Variants in PCNX2 observed in about 807,000 individuals in gnomAD.
PCNX2 encodes pecanex 2.
Under a neutral mutation model 223.8 loss-of-function variants are expected in PCNX2, and 168 were observed. That is an observed-to-expected ratio of 0.75 (90% CI 0.66 to 0.85). The LOEUF is 0.85. Among genes scored for constraint, PCNX2 ranks in the 40% least tolerant of loss-of-function variants. PCNX2 has a pLI of 0.00. For synonymous variants in PCNX2, 1,006 were observed against 1,052.6 expected (o/e 0.96, Z 0.86); for missense variants, 2,507 against 2,675.5 (o/e 0.94, Z 1.39).
At position 233,025,475 on chromosome 1, in the gene PCNX2, C is replaced by A. The variant is rs1671052258; in HGVS notation, c.4352-76G>T. The A allele has an allele frequency of 3.2e-6, 5 of 1,553,810 alleles. No homozygotes were observed. In the East Asian group the frequency reaches 1.1e-4, roughly 35 times the overall value. ...GTTTGCTTCAACGGATTTCCCCATG[C>A]CTTCATCAGAGGGGAAGAGGCTGAA... is the stretch of plus-strand genomic sequence containing the variant. On this transcript the variant is annotated intron_variant, in intron 25 of 33. Coordinates refer to ENST00000258229, the MANE Select transcript of PCNX2 (RefSeq NM_014801.4).
At chr1:233,298,908 A>C (rs1662214377), upstream of PCNX2, among the ~76,000 whole-genome samples, 1 of 152,122 alleles carries the variant, frequency 6.6e-6, no homozygotes, top group African/African-American at 2.4e-5. Flanking sequence ...ACAAACAAAC[A>C]AAAAACTAAG....
At chr1:233,263,911 C>A (rs563750129) in intron 1 of PCNX2, among the ~76,000 whole-genome samples, 12 of 152,092 alleles carry the variant, frequency 7.9e-5, no homozygotes, top group Admixed American at 2.0e-4. Context: ...TTAGGGTAAC[C>A]ACTCCCCCAT....
chr1:233,199,415 C>T (rs897788353), intron 14 of PCNX2, among the ~76,000 whole-genome samples: 2 of 151,536 alleles, frequency 1.3e-5, no homozygotes, highest in Non-Finnish European at 1.5e-5. Context: ...AGAGAGGAGA[C>T]GGGAAAGGGA....
chr1:233,101,523 T>C (rs1273867064), intron 21 of PCNX2, among the ~76,000 whole-genome samples: 1 of 152,194 alleles, frequency 6.6e-6, no homozygotes, highest in Non-Finnish European at 1.5e-5. Context: ...GCCCATTAAA[T>C]AGCATCCATC....
chr1:233,106,899 C>T (rs751029491), intron 21 of PCNX2, among the ~76,000 whole-genome samples: 1 of 152,152 alleles, frequency 6.6e-6, no homozygotes, highest in Non-Finnish European at 1.5e-5. Flanking sequence ...AATAACATTT[C>T]ATCAATCTAG....
intron 22 of PCNX2, among the ~76,000 whole-genome samples, chr1:233,092,261 T>A (rs1673909398): frequency 6.6e-6 from 1 of 152,136 alleles, no homozygotes; most frequent in African/African-American, 2.4e-5. Context: ...CAAAACCAAG[T>A]GGAGCCAGGG....
At chr1:233,032,903 C>T (rs1276852964) in intron 25 of PCNX2, 1 of 835,488 alleles carries the variant, frequency 1.2e-6, no homozygotes, top group South Asian at 5.5e-5. Context: ...GAAAGAGTCA[C>T]ACTCAGGATC....
At chr1:233,293,198 T>C (rs1283368454) in intron 1 of PCNX2, among the ~76,000 whole-genome samples, 2 of 152,182 alleles carry the variant, frequency 1.3e-5, no homozygotes, top group East Asian at 3.8e-4. Context: ...AAAAAACATC[T>C]GCAGGAACAC....
intron 28 of PCNX2, among the ~76,000 whole-genome samples, chr1:233,013,005 T>C (rs1010449317): frequency 6.6e-6 from 1 of 152,200 alleles, no homozygotes; most frequent in African/African-American, 2.4e-5. Flanking sequence ...CAATGTTTTA[T>C]GAAGCCCACA....
chr1:233,122,277 G>A (rs1255932329), intron 21 of PCNX2, among the ~76,000 whole-genome samples: 9 of 152,110 alleles, frequency 5.9e-5, no homozygotes, highest in Non-Finnish European at 4.4e-5. Flanking sequence ...TGATATGAAT[G>A]AATGAATAAA....
At chr1:233,049,670 T>G (rs1671931883) in intron 25 of PCNX2, among the ~76,000 whole-genome samples, 1 of 151,952 alleles carries the variant, frequency 6.6e-6, no homozygotes, top group African/African-American at 2.4e-5. Flanking sequence ...TCAAAATATC[T>G]CTCTTCACTG....
chr1:233,262,066 A>G lies in PCNX2; in HGVS notation c.459T>C (p.Ser153=), dbSNP rs771283820. 2.5e-6 allele frequency: 4 copies of G among 1,613,734 alleles called. No individual in the cohort carries two copies. The change falls in exon 3 of 34, where the codon TCT becomes TCC. Residue 153 remains serine, a synonymous_variant. Transcript: ENST00000258229. The part of the protein sequence containing the change: ...RCSSRGQSIT[S]HHSSGPLELS... ...TAACCAATGGCCCAGAAGAGTGATGAGAGGTTATGCTTTGCCCTCTGGAGC... is the reference window on the plus strand; with the variant it reads ...TAACCAATGGCCCAGAAGAGTGATGGGAGGTTATGCTTTGCCCTCTGGAGC...
intron 21 of PCNX2, chr1:233,134,801 T>C (rs2102766282): frequency 1.7e-6 from 1 of 575,998 alleles, no homozygotes. Flanking sequence ...TAATTCATTT[T>C]AATTAGTGAT....
intron 26 of PCNX2, among the ~76,000 whole-genome samples, chr1:233,023,639 A>G (rs1436886583): frequency 6.6e-6 from 1 of 152,250 alleles, no homozygotes. Context: ...GAGTCTAGAA[A>G]GAGAAGATAG....
the PCNX2 span, among the ~76,000 whole-genome samples, chr1:233,320,563 T>C: frequency 8.5e-5 from 13 of 152,228 alleles, no homozygotes; most frequent in African/African-American, 3.1e-4. Flanking sequence ...AGATGTATCT[T>C]TAACAGCCTT....
intron 17 of PCNX2, among the ~76,000 whole-genome samples, chr1:233,168,882 G>C (rs1374137406): frequency 1.3e-5 from 2 of 151,938 alleles, no homozygotes; most frequent in Non-Finnish European, 2.9e-5. Context: ...CAGTGCTAAT[G>C]ATGTGTACAA....
rs1015010440 is a variant in PCNX2, at chr1:232,991,393, A to G, written c.5792-4853T>C. ...AAGAGAGGGCTGAGAGAAGGGAGAG[A>G]AGGCGTGAGAGAGAGAGCAGACCAG... is the stretch of plus-strand genomic sequence containing the variant. On this transcript the variant is annotated intron_variant, in intron 32 of 33. Coordinates refer to ENST00000258229, the MANE Select transcript of PCNX2 (RefSeq NM_014801.4). This position sits in a 1 kb window ranked among gnomAD's most constrained non-coding sequence, Gnocchi z 4.3. Among the ~76,000 whole-genome samples the G allele has an allele frequency of 7.9e-5, 12 of 151,776 alleles. No individual in the cohort carries two copies. Among genetic ancestry groups the G allele is most frequent in the Non-Finnish European group, 1.6e-4 (11 of 67,944 alleles).
At chr1:233,114,188 G>C (rs1675276454) in intron 21 of PCNX2, among the ~76,000 whole-genome samples, 1 of 152,144 alleles carries the variant, frequency 6.6e-6, no homozygotes, top group African/African-American at 2.4e-5. Flanking sequence ...GGTGAAGTAG[G>C]GTAAAATTAC....
chr1:233,240,221 A>G (rs1001987215), intron 8 of PCNX2, among the ~76,000 whole-genome samples: 2 of 152,222 alleles, frequency 1.3e-5, no homozygotes, highest in African/African-American at 4.8e-5. Flanking sequence ...AGAGACGATG[A>G]TGTCCACAAA....
Sources: gnomAD v4.1 joint callset for allele counts (sites outside exome capture counted in the v4.1 genomes callset) on GRCh38, gnomAD v4.1.1 for gene constraint, Gnocchi (gnomAD v3.1) non-coding constraint, MANE v1.5 for transcripts, NCBI Gene and HGNC (gene_info 2026-07-23, HGNC 2026-07-21) for gene names.